Variants in NWD2 observed in about 807,000 individuals in gnomAD.
NWD2 encodes the protein NACHT and WD repeat domain containing 2.
In NWD2, 37 loss-of-function variants were observed where a neutral mutation model predicts 132.7. The ratio of observed to expected loss-of-function variants is 0.28; its 90% CI spans 0.21 to 0.37. The LOEUF is 0.37. Among genes scored for constraint, NWD2 ranks in the 10% least tolerant of loss-of-function variants. NWD2 has a pLI of 1.00. For missense variants in NWD2, 1,592 were observed against 2,122.4 expected, an observed-to-expected ratio of 0.75 and a Z score of 4.91; for synonymous variants, 705 against 803.0, an observed-to-expected ratio of 0.88 and a Z score of 2.06.
chr4:37,430,794 A>C lies in NWD2; in HGVS notation c.561+19A>C, dbSNP rs2973217. On this transcript the variant is annotated intron_variant, in intron 4 of 6. Transcript: ENST00000309447. Reference sequence around the variant, plus strand: ...AAATGCAGTAAGCTGCCTTTCCCTCAAGCCTATGGATCTGTCCATTACTAC... The same window carrying C: ...AAATGCAGTAAGCTGCCTTTCCCTCCAGCCTATGGATCTGTCCATTACTAC... 786,411 of 1,543,182 alleles carry C rather than the reference A, an allele frequency of 0.51. 202,601 individuals are homozygous for C. Among genetic ancestry groups the C allele is most frequent in the South Asian group, 0.56 (46,815 of 83,884 alleles).
chr4:37,354,404 C>T (rs945527407), intron 2 of NWD2, among the ~76,000 whole-genome samples: 2 of 152,170 alleles, frequency 1.3e-5, no homozygotes, highest in Admixed American at 6.5e-5. Context: ...TCTTCAGAGC[C>T]GATAGGCAGG....
At chr4:37,247,761 C>A (rs1165431622) in intron 1 of NWD2, among the ~76,000 whole-genome samples, 2 of 152,076 alleles carry the variant, frequency 1.3e-5, no homozygotes, top group South Asian at 4.2e-4. Flanking sequence ...AGGTGCCCAC[C>A]ACTACGCCCG....
chr4:37,245,958 G>T (rs767402125), intron 1 of NWD2, among the ~76,000 whole-genome samples: 3 of 152,202 alleles, frequency 2.0e-5, no homozygotes, highest in Non-Finnish European at 2.9e-5. Context: ...GAGGTTGAAC[G>T]CTGGGCGGTC....
intron 1 of NWD2, among the ~76,000 whole-genome samples, chr4:37,273,153 T>C (rs1267201762): frequency 6.6e-6 from 1 of 151,876 alleles, no homozygotes; most frequent in African/African-American, 2.4e-5. Flanking sequence ...TGGGATACTT[T>C]TGCTGGATAT....
intron 1 of NWD2, among the ~76,000 whole-genome samples, chr4:37,245,894 C>G (rs558997084): frequency 6.6e-6 from 1 of 152,170 alleles, no homozygotes; most frequent in Non-Finnish European, 1.5e-5. Context: ...GCTTAAGGCA[C>G]CTGGTAGGCA....
intron 1 of NWD2, among the ~76,000 whole-genome samples, chr4:37,268,061 A>G (rs546306824): frequency 6.6e-6 from 1 of 151,964 alleles, no homozygotes; most frequent in South Asian, 2.1e-4. Context: ...TTGGAAGACA[A>G]TTTTCATGCT....
intron 2 of NWD2, among the ~76,000 whole-genome samples, chr4:37,337,998 TTTC>T (rs1719444252): frequency 6.6e-6 from 1 of 152,230 alleles, no homozygotes; most frequent in Non-Finnish European, 1.5e-5. Flanking sequence ...AAGCTTGCCT[TTTC>T]TTTCCATTTT....
chr4:37,421,896 A>G (rs1711819738), intron 3 of NWD2, among the ~76,000 whole-genome samples: 1 of 152,160 alleles, frequency 6.6e-6, no homozygotes. Flanking sequence ...GGGTGCCAGC[A>G]TGGTCAGGTT....
chr4:37,299,342 G>A lies in NWD2; in HGVS notation c.152-26594G>A, dbSNP rs1025317285. On this transcript the variant is annotated intron_variant, in intron 1 of 6. Coordinates refer to ENST00000309447, the MANE Select transcript of NWD2 (RefSeq NM_001144990.2). ...CTTTTCTCTTTTCCAAGGAAGTTTC[G>A]CTCACTGTCCCCAACCCCCTTCTGT... 3.3e-5 allele frequency among the ~76,000 whole-genome samples: 5 copies of A among 151,902 alleles called. No homozygotes were observed. The East Asian group carries it at 5.8e-4, about 18-fold the overall frequency.
chr4:37,443,030 T>G lies in NWD2; in HGVS notation c.1297-255T>G, dbSNP rs961719814. On this transcript the variant is annotated intron_variant, in intron 6 of 6. Coordinates refer to ENST00000309447, the MANE Select transcript of NWD2 (RefSeq NM_001144990.2). This position sits in a 1 kb window ranked among gnomAD's most constrained non-coding sequence, Gnocchi z 4.1. ...GGAATACAAGCTAAATATTGCCGAA[T>G]GAGTGAAAAATACTATTATTGCTAC... Among the ~76,000 whole-genome samples the G allele has an allele frequency of 9.2e-5, 14 of 152,072 alleles. No homozygotes were observed. The highest frequency in any genetic ancestry group is 1.8e-4 in the Non-Finnish European group (12 of 68,016).
chr4:37,362,471 C>T, intron 3 of NWD2, among the ~76,000 whole-genome samples: 1 of 152,132 alleles, frequency 6.6e-6, no homozygotes, highest in Non-Finnish European at 1.5e-5. Context: ...CAAAAACGGA[C>T]ACATAGACAA....
intron 1 of NWD2, among the ~76,000 whole-genome samples, chr4:37,279,667 C>G (rs1194968210): frequency 6.6e-6 from 1 of 152,130 alleles, no homozygotes; most frequent in Non-Finnish European, 1.5e-5. Flanking sequence ...AGCAAAATTC[C>G]TTTTGAAAAA....
chr4:37,295,462 C>T (rs12108349), intron 1 of NWD2, among the ~76,000 whole-genome samples: 26,179 of 152,094 alleles, frequency 0.17, 2,386 homozygotes, highest in Non-Finnish European at 0.19. Flanking sequence ...CTTAGCTCAG[C>T]GTGTGTGTAT....
intron 3 of NWD2, among the ~76,000 whole-genome samples, chr4:37,359,130 A>G (rs1719927336): frequency 6.6e-6 from 1 of 152,208 alleles, no homozygotes; most frequent in Non-Finnish European, 1.5e-5. Context: ...AGACATGACT[A>G]TGAATTCCAA....
At chr4:37,270,095 T>C (rs1178811069) in intron 1 of NWD2, among the ~76,000 whole-genome samples, 1 of 151,868 alleles carries the variant, frequency 6.6e-6, no homozygotes, top group East Asian at 1.9e-4. Context: ...TTTTTGTTCT[T>C]ATTTGCTGTT....
At chr4:37,361,883 G>C (rs1191130608) in intron 3 of NWD2, among the ~76,000 whole-genome samples, 1 of 152,142 alleles carries the variant, frequency 6.6e-6, no homozygotes, top group African/African-American at 2.4e-5. Flanking sequence ...AAGTGAAACT[G>C]TCTCTCTCCA....
rs1712542533 is a variant in NWD2, at chr4:37,443,547, C to T, written c.1559C>T (p.Ser520Leu). The T allele has an allele frequency of 6.4e-7, 1 of 1,551,700 alleles. No homozygotes were observed. Among genetic ancestry groups the T allele is most frequent in the Non-Finnish European group, 8.7e-7 (1 of 1,147,020 alleles). ...VIIFDALEQLSENDDARKLWW... is the reference protein window; with the variant it reads ...VIIFDALEQLLENDDARKLWW... The stretch of plus-strand genomic sequence containing the variant: ...ATATTCGATGCACTAGAGCAGCTCT[C>T]AGAGAATGATGATGCCAGGAAGCTT... The change falls in exon 7 of 7, where the codon TCA becomes TTA. Residue 520 changes from serine (S) to leucine (L), a missense_variant. This residue lies in a region of NWD2 where 1,071 missense variants were observed against 1,398.0 expected (regional missense o/e 0.77). Coordinates refer to ENST00000309447, the MANE Select transcript of NWD2 (RefSeq NM_001144990.2). The surrounding 1 kb of genome is among the most constrained non-coding windows in gnomAD (Gnocchi z 4.1).
In NWD2 at chr4:37,446,036, A is replaced by G. The variant is rs1712626378; in HGVS notation, c.4048A>G (p.Ile1350Val). The change falls in exon 7 of 7, where the codon ATC becomes GTC. Residue 1350 changes from isoleucine to valine, a missense_variant. By Grantham distance (29) the Ile-to-Val change is conservative. Transcript: ENST00000309447. This position sits in a 1 kb window ranked among gnomAD's most constrained non-coding sequence, Gnocchi z 6.7. ...VHKWNFSSGF[I>V]EAVFKHEGIV... ...TAAGTGGAACTTCAGCAGTGGCTTC[A>G]TCGAAGCAGTATTCAAGCATGAAGG... 3.2e-6 allele frequency: 5 copies of G among 1,551,770 alleles called. No individual in the cohort carries two copies. Among genetic ancestry groups the G allele is most frequent in the Non-Finnish European group, 4.4e-6 (5 of 1,146,976 alleles).
chr4:37,287,847 A>AGAT (rs1466210436), intron 1 of NWD2, among the ~76,000 whole-genome samples: 3 of 152,234 alleles, frequency 2.0e-5, no homozygotes, highest in African/African-American at 7.2e-5. Context: ...CATTCTATGA[A>AGAT]GATACATGCA....
Sources: allele counts gnomAD v4.1 joint callset (sites outside exome capture counted in the v4.1 genomes callset), GRCh38; gene constraint gnomAD v4.1.1; regional missense constraint gnomAD v4.1.1; non-coding constraint Gnocchi (gnomAD v3.1); transcripts MANE v1.5; gene names NCBI Gene and HGNC (gene_info 2026-07-23, HGNC 2026-07-21).